The following EBF1 variants were observed in gnomAD, a reference collection of about 807,000 sequenced individuals.
EBF1 encodes the protein transcription factor COE1.
EBF1 carries 10 observed loss-of-function variants against 68.4 expected under a neutral mutation model. That is an observed-to-expected ratio of 0.15 (90% CI 0.09 to 0.25). The LOEUF (loss-of-function observed/expected upper bound fraction) is 0.25, where lower values mean the gene tolerates loss of function less well. Among genes scored for constraint, EBF1 ranks in the 10% least tolerant of loss-of-function variants. EBF1 has a pLI of 1.00. For synonymous variants in EBF1, 298 were observed against 299.8 expected (o/e 0.99, Z 0.06); for missense variants, 509 against 794.4 (o/e 0.64, Z 4.32).
At chr5:158,950,301 C>T (rs1326012823) in intron 6 of EBF1, among the ~76,000 whole-genome samples, 1 of 152,324 alleles carries the variant, frequency 6.6e-6, no homozygotes, top group South Asian at 2.1e-4. Flanking sequence ...AGAAAAGGTG[C>T]TCAAGGTAGG....
At chr5:158,816,568 G>T (rs1465992993) in intron 8 of EBF1, among the ~76,000 whole-genome samples, 2 of 152,202 alleles carry the variant, frequency 1.3e-5, no homozygotes, top group Non-Finnish European at 2.9e-5. Flanking sequence ...GGTGGGAGGG[G>T]AGAGAGAAAT....
intron 6 of EBF1, among the ~76,000 whole-genome samples, chr5:158,874,219 G>A (rs780014831): frequency 3.3e-5 from 5 of 152,140 alleles, no homozygotes; most frequent in Non-Finnish European, 5.9e-5. Context: ...ACTCTGTGGT[G>A]AATCTGGCTT....
At chr5:158,984,388 A>G (rs1388740816) in intron 6 of EBF1, among the ~76,000 whole-genome samples, 1 of 152,034 alleles carries the variant, frequency 6.6e-6, no homozygotes, top group Non-Finnish European at 1.5e-5. Context: ...CTTTTTTTAG[A>G]CTACTTTGCT....
intron 10 of EBF1, among the ~76,000 whole-genome samples, chr5:158,731,824 C>T (rs758730695): frequency 6.6e-6 from 1 of 152,172 alleles, no homozygotes; most frequent in Non-Finnish European, 1.5e-5. Context: ...TAGCTTAGAG[C>T]AGCCGAGTCT....
chr5:158,888,672 G>A (rs924529374), intron 6 of EBF1, among the ~76,000 whole-genome samples: 1 of 152,108 alleles, frequency 6.6e-6, no homozygotes, highest in Non-Finnish European at 1.5e-5. Flanking sequence ...GAAGTCTGCA[G>A]TGGGAAAAAC....
intron 9 of EBF1, among the ~76,000 whole-genome samples, chr5:158,788,281 G>T (rs1777866287): frequency 6.6e-6 from 1 of 152,132 alleles, no homozygotes; most frequent in South Asian, 2.1e-4. Flanking sequence ...AGTCATATGG[G>T]AAGATTCCAG....
At chr5:159,023,658 C>T (rs1012037963) in intron 6 of EBF1, among the ~76,000 whole-genome samples, 2 of 152,198 alleles carry the variant, frequency 1.3e-5, no homozygotes, top group Non-Finnish European at 2.9e-5. Flanking sequence ...TTTTATGTTA[C>T]GTTGCCTTTT....
At chr5:159,050,313 T>A (rs1773333633) in intron 6 of EBF1, among the ~76,000 whole-genome samples, 1 of 151,788 alleles carries the variant, frequency 6.6e-6, no homozygotes, top group Non-Finnish European at 1.5e-5. Flanking sequence ...TCCCTGTCTG[T>A]CTCTTCCTCT....
chr5:158,844,476 T>C (rs1265618977), intron 6 of EBF1, among the ~76,000 whole-genome samples: 3 of 152,182 alleles, frequency 2.0e-5, no homozygotes, highest in Non-Finnish European at 2.9e-5. Context: ...GGACTAGTCA[T>C]GGTATGTGTT....
At chr5:158,700,583 C>T (rs1002240747) in intron 15 of EBF1, among the ~76,000 whole-genome samples, 72 of 151,912 alleles carry the variant, frequency 4.7e-4, no homozygotes, top group African/African-American at 1.7e-3. Context: ...ACCCTGGGCT[C>T]TTAGCCCCAA....
intron 6 of EBF1, among the ~76,000 whole-genome samples, chr5:158,859,683 C>T (rs747590003): frequency 8.5e-5 from 13 of 152,334 alleles, no homozygotes; most frequent in Admixed American, 4.6e-4. Context: ...AAGTTGGCCA[C>T]TTCCCACCTT....
At chr5:158,811,646 T>C (rs1315180049) in intron 8 of EBF1, among the ~76,000 whole-genome samples, 2 of 152,192 alleles carry the variant, frequency 1.3e-5, no homozygotes, top group Non-Finnish European at 2.9e-5. Flanking sequence ...ACAACCGCTA[T>C]CGTAACAGTA....
At chr5:158,854,538 A>G (rs978625129) in intron 6 of EBF1, among the ~76,000 whole-genome samples, 3 of 152,196 alleles carry the variant, frequency 2.0e-5, no homozygotes, top group Non-Finnish European at 2.9e-5. Context: ...GAATAGAGAC[A>G]CAGGGAAAAC....
At chr5:158,979,544 T>C (rs910687137) in intron 6 of EBF1, among the ~76,000 whole-genome samples, 3 of 152,268 alleles carry the variant, frequency 2.0e-5, no homozygotes, top group Admixed American at 2.0e-4. Context: ...TGCAGCCAGC[T>C]TATTGTAAGA....
intron 6 of EBF1, among the ~76,000 whole-genome samples, chr5:159,018,655 A>T (rs946093805): frequency 1.6e-4 from 25 of 152,220 alleles, no homozygotes; most frequent in Non-Finnish European, 1.5e-5. Context: ...GCACTTTATA[A>T]TGTACTGGGC....
intron 6 of EBF1, among the ~76,000 whole-genome samples, chr5:159,002,806 A>G (rs1762801606): frequency 6.6e-6 from 1 of 152,248 alleles, no homozygotes; most frequent in African/African-American, 2.4e-5. Flanking sequence ...GGAAATCTGT[A>G]AAGTAAAAAG....
chr5:158,723,942 A>G (rs1028150516), intron 11 of EBF1, among the ~76,000 whole-genome samples: 2 of 152,180 alleles, frequency 1.3e-5, no homozygotes, highest in African/African-American at 4.8e-5. Context: ...ATGCACGCAC[A>G]CACACACAGG....
intron 6 of EBF1, among the ~76,000 whole-genome samples, chr5:158,856,295 C>A (rs1009921912): frequency 1.6e-4 from 24 of 152,184 alleles, no homozygotes; most frequent in Admixed American, 7.9e-4. Context: ...CTTCCAAAAC[C>A]ATTCCCTGAA....
At chr5:158,806,891 T>C (rs1451751443) in intron 8 of EBF1, among the ~76,000 whole-genome samples, 3 of 152,156 alleles carry the variant, frequency 2.0e-5, no homozygotes, top group Admixed American at 6.6e-5. Flanking sequence ...TTTGATCCCA[T>C]TACTCAATCT....
Sources: gnomAD v4.1 joint callset for allele counts (sites outside exome capture counted in the v4.1 genomes callset) on GRCh38, gnomAD v4.1.1 for gene constraint, MANE v1.5 for transcripts, NCBI Gene and HGNC (gene_info 2026-07-23, HGNC 2026-07-21) for gene names.